The following KDM7A variants were observed in gnomAD, a reference collection of about 807,000 sequenced individuals.
KDM7A encodes lysine-specific demethylase 7A.
Under a neutral mutation model 114.8 loss-of-function variants are expected in KDM7A, and 28 were observed. That is an observed-to-expected ratio of 0.24 (90% CI 0.18 to 0.33). KDM7A has a LOEUF of 0.33. Among genes scored for constraint, KDM7A ranks in the 10% least tolerant of loss-of-function variants. KDM7A has a pLI of 1.00. For synonymous variants in KDM7A, 423 were observed against 397.8 expected, an observed-to-expected ratio of 1.06 and a Z score of -0.75; for missense variants, 942 against 1,142.5, an observed-to-expected ratio of 0.82 and a Z score of 2.53.
intron 1 of KDM7A, among the ~76,000 whole-genome samples, chr7:140,143,356 A>G (rs574243947): frequency 6.6e-6 from 1 of 152,244 alleles, no homozygotes; most frequent in East Asian, 1.9e-4. Flanking sequence ...CTGTCATCTG[A>G]AAAGGATGGC....
At chr7:140,158,296 AG>A (rs1794481319) in intron 1 of KDM7A, among the ~76,000 whole-genome samples, 1 of 152,210 alleles carries the variant, frequency 6.6e-6, no homozygotes, top group Non-Finnish European at 1.5e-5. Flanking sequence ...GGGACCAGTT[AG>A]GAGGCTACTT....
intron 2 of KDM7A, 113 bp downstream of exon 2, chr7:140,138,992 G>T: frequency 3.1e-6 from 2 of 641,200 alleles, no homozygotes; most frequent in Non-Finnish European, 5.4e-6. Context: ...TACAGTTCTT[G>T]AAGGGTGTAA....
At chr7:140,163,404 C>G in intron 1 of KDM7A, among the ~76,000 whole-genome samples, 1 of 152,254 alleles carries the variant, frequency 6.6e-6, no homozygotes, top group East Asian at 1.9e-4. Flanking sequence ...CAAGCCTCAG[C>G]TTCCCGAGTA....
At chr7:140,110,511 C>T (rs948986406) in intron 11 of KDM7A, among the ~76,000 whole-genome samples, 16 of 152,242 alleles carry the variant, frequency 1.1e-4, no homozygotes, top group Admixed American at 7.2e-4. Context: ...CATTCCTCCA[C>T]CTAATTTCCT....
intron 11 of KDM7A, among the ~76,000 whole-genome samples, chr7:140,109,373 T>C (rs928709200): frequency 5.3e-5 from 8 of 152,220 alleles, no homozygotes; most frequent in African/African-American, 1.4e-4. Context: ...AGACTGGAGC[T>C]GTTCTTATTT....
chr7:140,143,487 A>G (rs982437420), intron 1 of KDM7A, among the ~76,000 whole-genome samples: 15 of 152,344 alleles, frequency 9.8e-5, no homozygotes, highest in Admixed American at 7.2e-4. Context: ...AAAATACTAA[A>G]TAAAAATACA....
chr7:140,161,124 A>G (rs1209146034), intron 1 of KDM7A, among the ~76,000 whole-genome samples: 1 of 152,258 alleles, frequency 6.6e-6, no homozygotes, highest in Non-Finnish European at 1.5e-5. Flanking sequence ...AAATTCCTAT[A>G]ATCTGCATAT....
chr7:140,110,740 C>T (rs1423167443), intron 11 of KDM7A, among the ~76,000 whole-genome samples: 1 of 152,206 alleles, frequency 6.6e-6, no homozygotes, highest in Non-Finnish European at 1.5e-5. Flanking sequence ...GACTCATTCA[C>T]CTTACATTTC....
chr7:140,093,158 A>G (rs1818050550), intron 18 of KDM7A, among the ~76,000 whole-genome samples: 1 of 152,244 alleles, frequency 6.6e-6, no homozygotes, highest in Non-Finnish European at 1.5e-5. Context: ...CTGTCTATAT[A>G]CACGGGTGTC....
At chr7:140,102,659 TTAGCC>T (rs1474573431) in intron 11 of KDM7A, among the ~76,000 whole-genome samples, 1 of 152,188 alleles carries the variant, frequency 6.6e-6, no homozygotes, top group African/African-American at 2.4e-5. Context: ...CGGTGTTAAA[TTAGCC>T]ACTGCACTGG....
chr7:140,158,203 T>C (rs1038900509), intron 1 of KDM7A, among the ~76,000 whole-genome samples: 2 of 152,108 alleles, frequency 1.3e-5, no homozygotes, highest in Non-Finnish European at 2.9e-5. Context: ...AGAGGACAAA[T>C]GTTCCACTAA....
chr7:140,113,493 CT>C lies in KDM7A; in HGVS notation c.1335del (p.Glu446AsnfsTer26). The C allele has an allele frequency of 6.4e-7, 1 of 1,555,688 alleles. No individual in the cohort carries two copies. Among genetic ancestry groups the C allele is most frequent in the Non-Finnish European group, 8.8e-7 (1 of 1,133,958 alleles). Reference sequence around the variant, plus strand: ...ATTTCACTGTTGAAACAACTTACTTCTTTTTTCATCCATAATTTTAAAGCAG... The same window carrying C: ...ATTTCACTGTTGAAACAACTTACTTCTTTTTCATCCATAATTTTAAAGCAG... ...LHTALKLWMK[K>X]ELVSEHAFEI... On this transcript the variant is annotated frameshift_variant, in exon 10 of 20. Transcript: ENST00000397560.
chr7:140,152,436 G>A (rs1585162733), intron 1 of KDM7A, among the ~76,000 whole-genome samples: 1 of 152,166 alleles, frequency 6.6e-6, no homozygotes, highest in African/African-American at 2.4e-5. Flanking sequence ...ACCAGCCTGG[G>A]CGACAAGGCA....
chr7:140,143,970 A>C (rs944405132), intron 1 of KDM7A, among the ~76,000 whole-genome samples: 4 of 152,250 alleles, frequency 2.6e-5, no homozygotes, highest in African/African-American at 9.6e-5. Context: ...AATTCAATAA[A>C]TAAATGTTAT....
rs144667430 is a variant in KDM7A at position 140,136,918 on chromosome 7, C to T, written c.280+2187G>A. Among the ~76,000 whole-genome samples, 61 of 151,894 alleles carry T rather than the reference C, an allele frequency of 4.0e-4. 2 individuals carry two copies. The East Asian group carries it at 9.9e-3, about 25-fold the overall frequency. On this transcript the variant is annotated intron_variant, in intron 2 of 19. Transcript: ENST00000397560. ...AGGAGAATTGCTTGAACCTGTGAGG[C>T]GGAGGTTGCAGTGAGCCAAGACTGT...
chr7:140,127,785 G>T (rs907298869), intron 4 of KDM7A, among the ~76,000 whole-genome samples: 5 of 152,144 alleles, frequency 3.3e-5, no homozygotes, highest in African/African-American at 1.2e-4. Flanking sequence ...AGAGGAAAAG[G>T]AAAGCAGTAA....
intron 11 of KDM7A, among the ~76,000 whole-genome samples, chr7:140,110,845 AT>A (rs371158464): frequency 6.6e-6 from 1 of 151,910 alleles, no homozygotes; most frequent in Non-Finnish European, 1.5e-5. Context: ...TGTATTTTTG[AT>A]TTTTTTTAAG....
At position 140,113,755 on chromosome 7, in the gene KDM7A, A is replaced by T. The variant is rs529674128; in HGVS notation, c.1247-173T>A. Among the ~76,000 whole-genome samples the T allele has an allele frequency of 3.3e-5, 5 of 152,354 alleles. No homozygotes were observed. The East Asian group carries it at 9.6e-4, about 29-fold the overall frequency. On this transcript the variant is annotated intron_variant, in intron 9 of 19. Transcript: ENST00000397560. ...TTCAAAAAGACAATAAAGAAACAGA[A>T]TTACATTCAATGTAATTTACTAAAT...
chr7:140,115,804 TA>T (rs201996101), intron 9 of KDM7A, among the ~76,000 whole-genome samples: 7 of 113,490 alleles, frequency 6.2e-5, no homozygotes, highest in Non-Finnish European at 1.1e-4. Flanking sequence ...AAAATAAATT[TA>T]AAAAAAATAA....
Sources: gnomAD v4.1 joint callset for allele counts (sites outside exome capture counted in the v4.1 genomes callset) on GRCh38, gnomAD v4.1.1 for gene constraint, MANE v1.5 for transcripts, NCBI Gene and HGNC (gene_info 2026-07-23, HGNC 2026-07-21) for gene names.